The following SPTA1 variants were observed in gnomAD, a reference collection of about 807,000 sequenced individuals.
SPTA1 encodes spectrin alpha chain, erythrocytic 1.
In SPTA1, 177 loss-of-function variants were observed where a neutral mutation model predicts 324.7. The ratio of observed to expected loss-of-function variants is 0.55; its 90% CI spans 0.48 to 0.62. SPTA1 has a LOEUF of 0.62. Among genes scored for constraint, SPTA1 ranks in the 20% least tolerant of loss-of-function variants. The pLI is 0.00. For missense variants in SPTA1, 3,162 were observed against 2,883.6 expected (o/e 1.10, Z -2.21); for synonymous variants, 1,195 against 1,041.3 (o/e 1.15, Z -2.84).
At chr1:158,613,940 G>T (rs1230783164) in intron 49 of SPTA1, 73 bp from the exon 50 acceptor site, 8 of 1,490,822 alleles carry the variant, frequency 5.4e-6, no homozygotes, top group African/African-American at 2.8e-5. Context: ...AAAGGAATAT[G>T]TCTTATTGCG....
chr1:158,641,764 G>A (rs1019205636), intron 33 of SPTA1, among the ~76,000 whole-genome samples: 5 of 152,154 alleles, frequency 3.3e-5, no homozygotes, highest in Non-Finnish European at 7.3e-5. Context: ...ATTCCTCAGG[G>A]ATCCAGAACT....
intron 39 of SPTA1, among the ~76,000 whole-genome samples, chr1:158,631,857 G>C (rs1027712115): frequency 1.3e-5 from 2 of 152,090 alleles, no homozygotes; most frequent in Non-Finnish European, 2.9e-5. Context: ...AATGCAAAAT[G>C]GCACAGCTGT....
chr1:158,631,163 T>A (rs1002650903), intron 39 of SPTA1, among the ~76,000 whole-genome samples: 10 of 152,180 alleles, frequency 6.6e-5, no homozygotes, highest in African/African-American at 2.4e-4. Flanking sequence ...CATGCATACT[T>A]GTGTTTATAG....
chr1:158,685,791 G>A (rs542556697), intron 1 of SPTA1, among the ~76,000 whole-genome samples: 3 of 152,068 alleles, frequency 2.0e-5, no homozygotes, highest in Non-Finnish European at 2.9e-5. Context: ...TTTAGTTAAT[G>A]ATATATGCAA....
In SPTA1 at chr1:158,636,781, C is replaced by A. The variant is rs1161394717; in HGVS notation, c.5190-20G>T. 6.2e-7 allele frequency: 1 copy of A among 1,613,784 alleles called. No individual in the cohort carries two copies. The highest frequency in any genetic ancestry group is 1.7e-5 in the Admixed American group (1 of 60,004). On this transcript the variant is annotated intron_variant, in intron 36 of 51. Transcript: ENST00000643759. ...TTCTCCCTAAAATCAAGGAAGAAAA[C>A]AGAAAGTTTGGAGTCTAGACATCTA... is the stretch of plus-strand genomic sequence containing the variant.
At chr1:158,612,738 A>G in intron 51 of SPTA1, 79 bp downstream of exon 51, 1 of 1,559,360 alleles carries the variant, frequency 6.4e-7, no homozygotes, top group East Asian at 2.2e-5. Flanking sequence ...GGGTTTTTTC[A>G]AAGTAGGCCA....
At chr1:158,659,430 C>T (rs957537231) in intron 18 of SPTA1, among the ~76,000 whole-genome samples, 2 of 151,560 alleles carry the variant, frequency 1.3e-5, no homozygotes, top group Non-Finnish European at 2.9e-5. Flanking sequence ...ATTAATAGTT[C>T]CCATATAAGA....
intron 26 of SPTA1, 35 bp downstream of exon 26, chr1:158,648,474 A>C (rs769019149): frequency 6.2e-7 from 1 of 1,613,644 alleles, no homozygotes; most frequent in Non-Finnish European, 8.5e-7. Flanking sequence ...TATAGACTGG[A>C]AAGTGTTGGA....
intron 16 of SPTA1, among the ~76,000 whole-genome samples, chr1:158,664,325 A>G (rs1236125798): frequency 6.6e-6 from 1 of 152,228 alleles, no homozygotes; most frequent in Non-Finnish European, 1.5e-5. Flanking sequence ...TGGCACATAT[A>G]CAATATAGAA....
Position 158,686,643 on chromosome 1 carries a change from A to T in SPTA1, c.-126T>A. ...TATAGAAACGTTAAGTATGTGGGGG[A>T]AAAAAAAAAACCTCTTGCTTGGTCC... On this transcript the variant is annotated 5_prime_UTR_variant, in exon 1 of 52. Transcript: ENST00000643759. 2.3e-6 allele frequency: 1 copy of T among 436,484 alleles called. No individual in the cohort carries two copies. Among genetic ancestry groups the T allele is most frequent in the Non-Finnish European group, 3.8e-6 (1 of 266,036 alleles). The allele number at this position is 436,484 out of a possible 1,614,324, so 27.0% of individuals were successfully genotyped here. A position where few individuals can be genotyped will look rare whatever the true frequency, so the allele number is the denominator to read the frequency against.
rs374235146 is a variant in SPTA1 at position 158,611,250 on chromosome 1, C to T, written c.*14G>A. The T allele has an allele frequency of 3.5e-5, 56 of 1,613,056 alleles. No individual in the cohort carries two copies. Among genetic ancestry groups the T allele is most frequent in the African/African-American group, 1.5e-4 (11 of 74,816 alleles). On this transcript the variant is annotated 3_prime_UTR_variant, in exon 52 of 52. Transcript: ENST00000643759. ...CGACACTAAGATTTTCTACGATCCACGAGGAGCTGCTTATTAGTTGCCAAA... is the reference window on the plus strand; with the variant it reads ...CGACACTAAGATTTTCTACGATCCATGAGGAGCTGCTTATTAGTTGCCAAA...
chr1:158,636,081 C>T (rs764731928), intron 37 of SPTA1, 47 bp from the exon 38 acceptor site: 7 of 1,613,828 alleles, frequency 4.3e-6, no homozygotes, highest in Non-Finnish European at 5.9e-6. Context: ...CAATCTCTCC[C>T]CATTTAGCCA....
intron 21 of SPTA1, 38 bp from the exon 22 acceptor site, chr1:158,653,463 T>C: frequency 6.2e-7 from 1 of 1,612,830 alleles, no homozygotes; most frequent in Non-Finnish European, 8.5e-7. Flanking sequence ...TCATTAATTC[T>C]TGGAAAAGCA....
In SPTA1 at chr1:158,645,401, G is replaced by A. The variant is rs1245441903; in HGVS notation, c.3997-16C>T. ...CACGGTGCTCCTGTGGGAAAAAGGG[G>A]GAAGAAATCAGTGAGGCCAACTCCA... On this transcript the variant is annotated splice_polypyrimidine_tract_variant and intron_variant, in intron 28 of 51. Transcript: ENST00000643759. The A allele has an allele frequency of 1.3e-5, 21 of 1,613,908 alleles. No homozygotes were observed. The highest frequency in any genetic ancestry group is 1.8e-5 in the Non-Finnish European group (21 of 1,179,936).
Position 158,685,323 on chromosome 1 carries a change from C to G in SPTA1, c.49G>C (p.Val17Leu). Residue 17 changes from valine to leucine, a missense_variant, in exon 2 of 52, where the codon GTT becomes CTT. Transcript: ENST00000643759. Reference sequence around the variant, plus strand: ...TGGATCTCTTCTGCTGTTTCCAAAACCTTTGGCCCACTGCTCTCCACAACC... The same window carrying G: ...TGGATCTCTTCTGCTGTTTCCAAAAGCTTTGGCCCACTGCTCTCCACAACC... ...ETVVESSGPKVLETAEEIQER... is the reference protein window; with the variant it reads ...ETVVESSGPKLLETAEEIQER... 4 of 1,613,632 alleles carry G rather than the reference C, an allele frequency of 2.5e-6. No homozygotes were observed. Among genetic ancestry groups the G allele is most frequent in the Non-Finnish European group, 3.4e-6 (4 of 1,179,786 alleles).
At position 158,636,678 on chromosome 1, in the gene SPTA1, A is replaced by G. The variant is rs1320336457; in HGVS notation, c.5273T>C (p.Leu1758Pro). ...VQNLLKKHKR[L>P]EGELVAHEPA... is the part of the protein sequence containing the mutation. ...CTCATGGGCCACCAGCTCCCCCTCT[A>G]GGCGTTTGTGCTTCTTCAGCAAGTT... is the stretch of plus-strand genomic sequence containing the variant. Residue 1758 changes from leucine to proline, a missense_variant, in exon 37 of 52, where the codon CTA becomes CCA. Transcript: ENST00000643759. 1.2e-6 allele frequency: 2 copies of G among 1,614,004 alleles called. No individual in the cohort carries two copies. Among genetic ancestry groups the G allele is most frequent in the South Asian group, 2.2e-5 (2 of 91,076 alleles).
Position 158,656,655 on chromosome 1 carries a change from G to A in SPTA1, c.2807C>T (p.Ala936Val), listed in dbSNP as rs756188971. 3 of 1,612,316 alleles carry A rather than the reference G, an allele frequency of 1.9e-6. No homozygotes were observed. Among genetic ancestry groups the A allele is most frequent in the East Asian group, 4.5e-5 (2 of 44,852 alleles). The change falls in exon 20 of 52, where the codon GCT becomes GTT. Residue 936 changes from alanine (A) to valine (V), a missense_variant and splice_region_variant. Coordinates refer to ENST00000643759, the MANE Select transcript of SPTA1 (RefSeq NM_003126.4). Reference protein sequence around the residue: ...NYGADEEAAGALLKKHEAFLL... With the variant: ...NYGADEEAAGVLLKKHEAFLL... Reference sequence around the variant, plus strand: ...AAAGGCCTCATGCTTCTTTAGAAGAGCCTGCATTTATTGATGGAAGATCAT... The same window carrying A: ...AAAGGCCTCATGCTTCTTTAGAAGAACCTGCATTTATTGATGGAAGATCAT...
In SPTA1 at chr1:158,626,987, C is replaced by T. The variant is rs1331939561; in HGVS notation, c.5685G>A (p.Gln1895=). 3 of 1,613,832 alleles carry T rather than the reference C, an allele frequency of 1.9e-6. No individual in the cohort carries two copies. The highest frequency in any genetic ancestry group is 3.3e-4 in the Middle Eastern group (2 of 6,062). ...CTATCTTGGAAGAAATCTCTTTGTT[C>T]TGACTTTCCTCCTGCAACACCTGTG... ...ILNKVLQEES[Q]NKEISSKIEA... is the part of the protein sequence containing the mutation. Residue 1895 remains glutamine, a synonymous_variant, in exon 41 of 52, where the codon CAG becomes CAA. Transcript: ENST00000643759.
intron 7 of SPTA1, among the ~76,000 whole-genome samples, chr1:158,676,890 A>G (rs1024397055): frequency 6.6e-6 from 1 of 152,192 alleles, no homozygotes; most frequent in African/African-American, 2.4e-5. Context: ...TGGAATTTCC[A>G]TACCATTATT....
Sources: allele counts gnomAD v4.1 joint callset (sites outside exome capture counted in the v4.1 genomes callset), GRCh38; gene constraint gnomAD v4.1.1; transcripts MANE v1.5; gene names NCBI Gene and HGNC (gene_info 2026-07-23, HGNC 2026-07-21).